The following LPIN1 variants were observed in gnomAD, a reference collection of about 807,000 sequenced individuals.
The protein encoded by LPIN1 is lipin 1.
LPIN1 carries 71 observed loss-of-function variants against 107.5 expected under a neutral mutation model. That is an observed-to-expected ratio of 0.66 (90% confidence interval 0.55 to 0.80). LPIN1 has a LOEUF of 0.80. LPIN1 is among the 30% of genes least tolerant of loss of function. The probability of loss-of-function intolerance (pLI) is 0.00; values close to 1 mark genes in which losing one functional copy is unlikely to be tolerated. For missense variants in LPIN1, 1,043 were observed against 1,160.6 expected, an observed-to-expected ratio of 0.90 and a Z score of 1.47; for synonymous variants, 445 against 452.6, an observed-to-expected ratio of 0.98 and a Z score of 0.21.
chr2:11,779,785 G>T (rs1673267188), intron 7 of LPIN1, 140 bp downstream of exon 7: 1 of 944,530 alleles, frequency 1.1e-6, no homozygotes, highest in East Asian at 2.6e-5. Flanking sequence ...GGTTAGCCTT[G>T]AATGTTGGAA....
rs1428044019 is a variant in LPIN1, at chr2:11,817,021, G to A, written c.2402+1781G>A. 3 of 152,148 alleles carry A rather than the reference G, an allele frequency of 2.0e-5. No individual in the cohort carries two copies. In the East Asian group the frequency reaches 5.8e-4, roughly 29 times the overall value. The allele number at this position is 152,148 out of a possible 1,614,324, so 9.4% of individuals were successfully genotyped here. On this transcript the variant is annotated intron_variant, in intron 18 of 20. Transcript: ENST00000674199. ...TATGAGTGAGAACATGCAGTGTTTG[G>A]TTTTCTGTTCCTCTGTTAGTTTTCT...
At chr2:11,794,630 C>A (rs6729430) in intron 13 of LPIN1, among the ~76,000 whole-genome samples, 1 of 138,496 alleles carries the variant, frequency 7.2e-6, no homozygotes, top group Non-Finnish European at 1.6e-5. Context: ...CCTCTCCTGA[C>A]GAAACGAGCA....
chr2:11,798,608 GAGTT>G lies in LPIN1; in HGVS notation c.1886+3125_1886+3128del, dbSNP rs558747060. ...AAACAGCTGGACCATTCGCCATTCT[GAGTT>G]AGTCACAGTATGGTTCCTTATCAAA... On this transcript the variant is annotated intron_variant, in intron 14 of 20. Transcript: ENST00000674199. Among the ~76,000 whole-genome samples the G allele has an allele frequency of 1.6e-3, 243 of 152,268 alleles. 1 individual carries two copies. The highest frequency in any genetic ancestry group is 6.8e-3 in the Middle Eastern group (2 of 294).
rs1305595338 is a variant in LPIN1 at position 11,825,798 on chromosome 2, T to G, written c.*1007T>G. 1 of 152,228 alleles carries G rather than the reference T, an allele frequency of 6.6e-6. No individual in the cohort carries two copies. Among genetic ancestry groups the G allele is most frequent in the East Asian group, 1.9e-4 (1 of 5,200 alleles). 9.4% of individuals were successfully genotyped at this position (152,228 alleles called of 1,614,324 possible). A position where few individuals can be genotyped will look rare whatever the true frequency, so the allele number is the denominator to read the frequency against. On this transcript the variant is annotated 3_prime_UTR_variant, in exon 21 of 21. Transcript: ENST00000674199. This position sits in a 1 kb window ranked among gnomAD's most constrained non-coding sequence, Gnocchi z 4.1. Reference sequence around the variant, plus strand: ...TATTCTTTTAGATATTATGTATTGTTTTACTCTGATTAGGTTACTGTGATA... The same window carrying G: ...TATTCTTTTAGATATTATGTATTGTGTTACTCTGATTAGGTTACTGTGATA...
At position 11,786,951 on chromosome 2, in the gene LPIN1, C is replaced by T. The variant is rs3795973; in HGVS notation, c.1550-123C>T. The T allele has an allele frequency of 4.1e-6, 3 of 740,246 alleles. No individual in the cohort carries two copies. The East Asian group carries it at 7.8e-5, about 19-fold the overall frequency. 45.9% of individuals were successfully genotyped at this position (740,246 alleles called of 1,614,324 possible). A position where few individuals can be genotyped will look rare whatever the true frequency, so the allele number is the denominator to read the frequency against. On this transcript the variant is annotated intron_variant, in intron 10 of 20. Coordinates refer to ENST00000674199, the MANE Select transcript of LPIN1 (RefSeq NM_001349206.2). The surrounding 1 kb of genome is among the most constrained non-coding windows in gnomAD (Gnocchi z 4.1). ...TTACAAATACATTTTATAGGATTGT[C>T]TGCACAGTTGGAATGCACAAACTCT...
At chr2:11,776,941 C>T (rs1672764246) in intron 6 of LPIN1, among the ~76,000 whole-genome samples, 2 of 152,150 alleles carry the variant, frequency 1.3e-5, no homozygotes, top group Non-Finnish European at 2.9e-5. Flanking sequence ...CATTCAGAGG[C>T]TACATTTGCA....
chr2:11,802,199 A>G (rs1677873487), intron 14 of LPIN1, among the ~76,000 whole-genome samples: 2 of 152,212 alleles, frequency 1.3e-5, no homozygotes, highest in South Asian at 4.1e-4. Context: ...CAGGATTTTC[A>G]TTGAGTGAAT....
In LPIN1 at chr2:11,697,448, G is replaced by A. The variant is rs905686132; in HGVS notation, c.82-16308G>A. Among the ~76,000 whole-genome samples the A allele has an allele frequency of 5.3e-5, 8 of 152,216 alleles. No individual in the cohort carries two copies. The South Asian group carries it at 1.0e-3, about 20-fold the overall frequency. On this transcript the variant is annotated intron_variant, in intron 1 of 21. Transcript: ENST00000449576. This position sits in a 1 kb window ranked among gnomAD's most constrained non-coding sequence, Gnocchi z 4.6. ...TGGGGCTGCACCAGGAGCTGTGCTC[G>A]GCTCCTGCTTCTCCCTGGTTTGGCC...
At position 11,771,389 on chromosome 2, in the gene LPIN1, C is replaced by A; in HGVS notation, c.306C>A (p.His102Gln). ...TDNDQEVIPM[H>Q]LATSPILSEG... Reference sequence around the variant, plus strand: ...TTTCTTAGGAAGTTATCCCTATGCACCTGGCCACCTCCCCCATCCTGTCAG... The same window carrying A: ...TTTCTTAGGAAGTTATCCCTATGCAACTGGCCACCTCCCCCATCCTGTCAG... Residue 102 changes from histidine to glutamine, a missense_variant, in exon 4 of 21, where the codon CAC (histidine) becomes CAA (glutamine). Coordinates refer to ENST00000674199, the MANE Select transcript of LPIN1 (RefSeq NM_001349206.2). The surrounding 1 kb of genome is among the most constrained non-coding windows in gnomAD (Gnocchi z 4.8). 6.2e-7 allele frequency: 1 copy of A among 1,614,196 alleles called. No homozygotes were observed. The highest frequency in any genetic ancestry group is 8.5e-7 in the Non-Finnish European group (1 of 1,180,032).
intron 1 of LPIN1, 133 bp downstream of exon 1, chr2:11,746,804 C>G (rs1667011928): frequency 3.8e-6 from 1 of 266,134 alleles, no homozygotes; most frequent in African/African-American, 2.3e-5. Context: ...GCCCGAGGAC[C>G]GACGGCCGGG....
At position 11,787,090 on chromosome 2, in the gene LPIN1, A is replaced by C. The variant is rs940108306; in HGVS notation, c.1566A>C (p.Gln522His). Residue 522 changes from glutamine to histidine, a missense_variant, in exon 11 of 21, where the codon CAA becomes CAC. Gln to His is a conservative substitution (Grantham distance 24, BLOSUM62 0). Coordinates refer to ENST00000674199, the MANE Select transcript of LPIN1 (RefSeq NM_001349206.2). The stretch of plus-strand genomic sequence containing the variant: ...CTGTCACAGATGCATTCCTGGAGCA[A>C]GCTGTGTCATATCAACAGTTTGTGG... Reference protein sequence around the residue: ...REITKDAFLEQAVSYQQFVDN... With the variant: ...REITKDAFLEHAVSYQQFVDN... The C allele has an allele frequency of 2.5e-6, 4 of 1,613,812 alleles. No individual in the cohort carries two copies. The Admixed American group carries it at 5.0e-5, about 20-fold the overall frequency.
chr2:11,757,647 CGGTCCCTT>C (rs1668878328), intron 1 of LPIN1, among the ~76,000 whole-genome samples: 1 of 152,138 alleles, frequency 6.6e-6, no homozygotes, highest in Non-Finnish European at 1.5e-5. Flanking sequence ...GGGCCCACCC[CGGTCCCTT>C]AAAGGGCATG....
At chr2:11,816,521 T>G (rs1178704023) in intron 18 of LPIN1, 3 of 152,226 alleles carry the variant, frequency 2.0e-5, no homozygotes, top group African/African-American at 7.2e-5. Context: ...AATATCATTG[T>G]CCAAGGTGTA....
rs535636025 is a variant in LPIN1 at position 11,759,504 on chromosome 2, G to T, written c.-9-6029G>T. On this transcript the variant is annotated intron_variant, in intron 1 of 20. Transcript: ENST00000674199. ...CATGGAGCACCGGGTTGGGGGTAAG[G>T]TCATAGATCAACAGCATCCCAAGGC... 3.3e-5 allele frequency among the ~76,000 whole-genome samples: 5 copies of T among 152,322 alleles called. No individual in the cohort carries two copies. In the East Asian group the frequency reaches 9.6e-4, roughly 29 times the overall value.
chr2:11,753,681 C>A (rs1369255444), intron 1 of LPIN1, among the ~76,000 whole-genome samples: 2 of 152,238 alleles, frequency 1.3e-5, no homozygotes, highest in Admixed American at 1.3e-4. Context: ...TAATTCATCA[C>A]CCTTATCAAC....
At chr2:11,755,711 A>G (rs1371667992) in intron 1 of LPIN1, among the ~76,000 whole-genome samples, 1 of 151,102 alleles carries the variant, frequency 6.6e-6, no homozygotes, top group Non-Finnish European at 1.5e-5. Flanking sequence ...AACTCCTGCA[A>G]GACACTTAGT....
chr2:11,775,531 A>G (rs1186578446), intron 5 of LPIN1, among the ~76,000 whole-genome samples: 3 of 152,250 alleles, frequency 2.0e-5, no homozygotes, highest in African/African-American at 4.8e-5. Context: ...AAATAGCTAC[A>G]TTTCCACATT....
At chr2:11,804,986 T>G in intron 16 of LPIN1, 84 bp from the exon 17 acceptor site, 1 of 837,174 alleles carries the variant, frequency 1.2e-6, no homozygotes, top group African/African-American at 1.7e-5. Context: ...GTTTGTGTTT[T>G]TTTTTTTTTT....
Position 11,779,533 on chromosome 2 carries a change from G to T in LPIN1, c.845G>T (p.Arg282Leu). The change falls in exon 7 of 21, where the codon CGA becomes CTA. Residue 282 changes from arginine (R) to leucine (L), a missense_variant. Arg to Leu is a moderately radical substitution (Grantham distance 102). Coordinates refer to ENST00000674199, the MANE Select transcript of LPIN1 (RefSeq NM_001349206.2). ...TTTTCCTTAAGTCCTTCCGGTTCCCGACCTTCAACACCTAAAAGTGATTCA... is the reference window on the plus strand; with the variant it reads ...TTTTCCTTAAGTCCTTCCGGTTCCCTACCTTCAACACCTAAAAGTGATTCA... ...FHPSESPSGSRPSTPKSDSEL... is the reference protein window; with the variant it reads ...FHPSESPSGSLPSTPKSDSEL... 1 of 1,613,706 alleles carries T rather than the reference G, an allele frequency of 6.2e-7. No individual in the cohort carries two copies. Among genetic ancestry groups the T allele is most frequent in the South Asian group, 1.1e-5 (1 of 91,040 alleles).
Sources: allele counts gnomAD v4.1 joint callset (sites outside exome capture counted in the v4.1 genomes callset), GRCh38; gene constraint gnomAD v4.1.1; non-coding constraint Gnocchi (gnomAD v3.1); transcripts MANE v1.5; gene names NCBI Gene and HGNC (gene_info 2026-07-23, HGNC 2026-07-21).